Variants in PIR observed in about 807,000 individuals in gnomAD.
The protein encoded by PIR is pirin (iron-binding nuclear protein).
In PIR, 22 loss-of-function variants were observed where a neutral mutation model predicts 24.2. The observed-to-expected ratio is 0.91, with a 90% CI of 0.65 to 1.30. The LOEUF is 1.30. Among genes scored for constraint, PIR ranks in the 50% most tolerant of loss-of-function variants. The pLI is 0.00. For missense variants in PIR, 220 were observed against 220.3 expected (o/e 1.00, Z 0.01); for synonymous variants, 80 against 79.6 (o/e 1.00, Z -0.03).
At chrX:15,388,732 C>T (rs185310878) in intron 9 of PIR, among the ~76,000 whole-genome samples, 3 of 111,849 alleles carry the variant, frequency 2.7e-5, no homozygotes, top group East Asian at 2.8e-4. Flanking sequence ...TAAGGACACA[C>T]GATGATAAGA....
chrX:15,456,800 G>A (rs1003046467), intron 4 of PIR, among the ~76,000 whole-genome samples: 2 of 112,330 alleles, frequency 1.8e-5, no homozygotes, highest in Non-Finnish European at 3.8e-5. Context: ...TGGAACCCTC[G>A]CTACTTGGAG....
At chrX:15,460,004 C>CAG (rs761452511) in intron 3 of PIR, among the ~76,000 whole-genome samples, 2 of 109,559 alleles carry the variant, frequency 1.8e-5, no homozygotes, top group South Asian at 7.9e-4. Flanking sequence ...AAAAGGTAGT[C>CAG]AACATTGTCA....
intron 9 of PIR, among the ~76,000 whole-genome samples, chrX:15,387,073 CTTTTTTTTTTTTTTTTTTT>C (rs764572854): frequency 6.3e-4 from 8 of 12,717 alleles, no homozygotes; most frequent in East Asian, 7.1e-3. Flanking sequence ...CTTTTCTTTT[CTTTTTTTTTTTTTTTTTTT>C]TTTTTTTTTT....
chrX:15,489,581 T>C (rs927138804), intron 2 of PIR, among the ~76,000 whole-genome samples: 2 of 111,944 alleles, frequency 1.8e-5, no homozygotes, highest in Non-Finnish European at 3.8e-5. Flanking sequence ...TAGTAGAATA[T>C]GATACCAACT....
At chrX:15,437,940 C>G (rs538947659) in intron 5 of PIR, among the ~76,000 whole-genome samples, 12 of 112,706 alleles carry the variant, frequency 1.1e-4, no homozygotes, top group African/African-American at 3.5e-4. Context: ...TTCCCTCTTA[C>G]GCAACCTTGT....
At chrX:15,491,073 A>C (rs1406240317) in intron 2 of PIR, 89 bp downstream of exon 2, 3 of 643,656 alleles carry the variant, frequency 4.7e-6, no homozygotes, top group Non-Finnish European at 5.0e-6. Context: ...GCTCACGACT[A>C]TCTTGGCCCC....
intron 5 of PIR, among the ~76,000 whole-genome samples, chrX:15,453,080 G>T (rs1920983640): frequency 9.0e-6 from 1 of 111,469 alleles, no homozygotes; most frequent in African/African-American, 3.3e-5. Flanking sequence ...TTGTTAATCA[G>T]ATATTAAGGC....
Position 15,411,629 on chromosome X carries a change from G to A in PIR, c.566-4079C>T, listed in dbSNP as rs775800859. Among the ~76,000 whole-genome samples the A allele has an allele frequency of 4.5e-5, 5 of 110,574 alleles. No homozygotes were observed. In the South Asian group the frequency reaches 1.6e-3, roughly 34 times the overall value. The stretch of plus-strand genomic sequence containing the variant: ...CTCTGGATCACATAATTGCCAGACC[G>A]CAAAGCAACCCTGGTCCCTAAGATC... On this transcript the variant is annotated intron_variant, in intron 6 of 9. Transcript: ENST00000380420.
intron 3 of PIR, among the ~76,000 whole-genome samples, chrX:15,469,802 A>G (rs914549938): frequency 9.0e-6 from 1 of 111,599 alleles, no homozygotes; most frequent in African/African-American, 3.3e-5. Flanking sequence ...ATAGCCAGGT[A>G]CAATCAACCT....
rs367572122 is a variant in PIR at position 15,491,325 on chromosome X, CA to C, written c.-52-17del. 0.018 allele frequency: 9,384 copies of C among 522,232 alleles called. 71 individuals carry two copies. The highest frequency in any genetic ancestry group is 0.075 in the African/African-American group (2,909 of 38,783). The allele number at this position is 522,232 out of a possible 1,213,427, so 43.0% of individuals were successfully genotyped here. ...GGATGGAGGGCTAAAGGAAGGACAA[CA>C]AAAAAAAAAGAAGTCATAAAGGAGG... On this transcript the variant is annotated splice_polypyrimidine_tract_variant and intron_variant, in intron 1 of 9. Transcript: ENST00000380420.
At chrX:15,483,973 T>C (rs1406871192) in intron 2 of PIR, among the ~76,000 whole-genome samples, 2 of 112,523 alleles carry the variant, frequency 1.8e-5, no homozygotes, top group African/African-American at 3.2e-5. Flanking sequence ...AAATACTTAT[T>C]GTTTCTTTGT....
At chrX:15,445,385 G>C (rs190862302) in intron 5 of PIR, among the ~76,000 whole-genome samples, 93 of 110,749 alleles carry the variant, frequency 8.4e-4, no homozygotes, top group African/African-American at 2.3e-3. Flanking sequence ...GGGCCAGTCG[G>C]GGGGTGGGGT....
chrX:15,457,427 G>C (rs986488125), intron 4 of PIR, among the ~76,000 whole-genome samples: 4 of 112,047 alleles, frequency 3.6e-5, no homozygotes, highest in Non-Finnish European at 7.5e-5. Context: ...CCCTCATCAG[G>C]AGAAAAATCC....
rs138504766 is a variant in PIR at position 15,456,039 on chromosome X, G to A, written c.289C>T (p.Arg97Trp). The A allele has an allele frequency of 1.3e-3, 1,579 of 1,208,326 alleles. 7 individuals carry two copies. The highest frequency in any genetic ancestry group is 7.7e-4 in the Non-Finnish European group (684 of 894,073). The change falls in exon 5 of 10, where the codon CGG (arginine) becomes TGG (tryptophan). Residue 97 changes from arginine to tryptophan, a missense_variant. Arg to Trp is a moderately radical substitution (Grantham distance 101). Coordinates refer to ENST00000380420, the MANE Select transcript of PIR (RefSeq NM_001018109.3). ...GGCATCTCAGCGTGCAGAATGCCCC[G>A]GCCCGCAGTCATCCACTGCAAACAC... is the stretch of plus-strand genomic sequence containing the variant. ...PGDLQWMTAG[R>W]GILHAEMPCS...
chrX:15,442,912 G>A (rs1925965871), intron 5 of PIR, among the ~76,000 whole-genome samples: 1 of 112,633 alleles, frequency 8.9e-6, no homozygotes, highest in South Asian at 3.7e-4. Context: ...TGGAGAAGCT[G>A]CAGTAAGTTA....
In PIR at chrX:15,467,926, T is replaced by A. The variant is rs1921687844; in HGVS notation, c.190-8186A>T. ...CCTTCAAACCCAGATCAGGAATAAA[T>A]GTTTTGGGGAATCTCTTCAGACAAG... On this transcript the variant is annotated intron_variant, in intron 3 of 9. Transcript: ENST00000380420. Among the ~76,000 whole-genome samples, 3 of 111,670 alleles carry A rather than the reference T, an allele frequency of 2.7e-5. No homozygotes were observed. The Admixed American group carries it at 2.8e-4, about 11-fold the overall frequency.
chrX:15,464,041 G>C (rs992112904), intron 3 of PIR, among the ~76,000 whole-genome samples: 2 of 112,381 alleles, frequency 1.8e-5, no homozygotes, highest in Non-Finnish European at 3.8e-5. Context: ...TTACAGTGTA[G>C]CCATATAAGA....
At chrX:15,430,452 A>C (rs1469489035) in intron 5 of PIR, among the ~76,000 whole-genome samples, 2 of 112,059 alleles carry the variant, frequency 1.8e-5, no homozygotes, top group Non-Finnish European at 3.8e-5. Flanking sequence ...TCAATTCTTC[A>C]TAAGAGATTA....
At chrX:15,463,385 T>C (rs896775562) in intron 3 of PIR, among the ~76,000 whole-genome samples, 2 of 112,308 alleles carry the variant, frequency 1.8e-5, no homozygotes, top group Non-Finnish European at 3.8e-5. Flanking sequence ...CTTGCTACTG[T>C]CATGTTGTTG....
Sources: allele counts gnomAD v4.1 joint callset (sites outside exome capture counted in the v4.1 genomes callset), GRCh38; gene constraint gnomAD v4.1.1; transcripts MANE v1.5; gene names NCBI Gene and HGNC (gene_info 2026-07-23, HGNC 2026-07-21).